HIVEP2: variants seen among roughly 807,000 people sequenced by gnomAD.
The protein encoded by HIVEP2 is HIVEP zinc finger 2, also known as transcription factor HIVEP2.
Under a neutral mutation model 180.7 loss-of-function variants are expected in HIVEP2, and 14 were observed. That is an observed-to-expected ratio of 0.08 (90% CI 0.05 to 0.12). HIVEP2 has a LOEUF of 0.12. Among genes scored for constraint, HIVEP2 ranks in the 10% least tolerant of loss-of-function variants. The pLI is 1.00. For synonymous variants in HIVEP2, 1,184 were observed against 1,136.4 expected (o/e 1.04, Z -0.84); for missense variants, 2,579 against 3,008.5 (o/e 0.86, Z 3.34).
chr6:142,859,687 A>C (rs1423600319), intron 1 of HIVEP2, among the ~76,000 whole-genome samples: 1 of 151,812 alleles, frequency 6.6e-6, no homozygotes, highest in Non-Finnish European at 1.5e-5. Context: ...TAAAAAAATT[A>C]GCCGGGCATG....
intron 2 of HIVEP2, among the ~76,000 whole-genome samples, chr6:142,801,555 T>C (rs1344231794): frequency 6.6e-6 from 1 of 152,004 alleles, no homozygotes; most frequent in African/African-American, 2.4e-5. Context: ...TTACTCCAGA[T>C]CTAGTATTTC....
At chr6:142,842,012 A>G (rs1048262555) in intron 1 of HIVEP2, among the ~76,000 whole-genome samples, 3 of 152,182 alleles carry the variant, frequency 2.0e-5, no homozygotes, top group Non-Finnish European at 1.5e-5. Flanking sequence ...CATTTCCTTG[A>G]CCAAAATGAA....
chr6:142,784,881 CTCTA>C (rs1040703817), intron 2 of HIVEP2, among the ~76,000 whole-genome samples: 2 of 151,980 alleles, frequency 1.3e-5, no homozygotes, highest in Admixed American at 6.6e-5. Context: ...TTAACTATAT[CTCTA>C]TCTATCTATC....
rs1219164687 is a variant in HIVEP2, at chr6:142,783,583, C to CAGGAACTCATGCACAGGAA, written c.-496_-495insTTCCTGTGCATGAGTTCCT. ...CTTTGATTTCCAAGATGCCAACTCTCCTCACAGGAACTCATGCACAACTTC... is the reference window on the plus strand; with the variant it reads ...CTTTGATTTCCAAGATGCCAACTCTCAGGAACTCATGCACAGGAACTCACAGGAACTCATGCACAACTTC... On this transcript the variant is annotated 5_prime_UTR_variant, in exon 3 of 10. The change creates a new upstream start codon in the 5' untranslated region. Coordinates refer to ENST00000367603, the MANE Select transcript of HIVEP2 (RefSeq NM_006734.4). 1 of 152,106 alleles carries CAGGAACTCATGCACAGGAA rather than the reference C, an allele frequency of 6.6e-6. No homozygotes were observed. Among genetic ancestry groups the CAGGAACTCATGCACAGGAA allele is most frequent in the Non-Finnish European group, 1.5e-5 (1 of 68,006 alleles). 9.4% of individuals were successfully genotyped at this position (152,106 alleles called of 1,614,324 possible).
At chr6:142,866,830 C>T (rs1776152265) in intron 1 of HIVEP2, among the ~76,000 whole-genome samples, 1 of 152,176 alleles carries the variant, frequency 6.6e-6, no homozygotes, top group African/African-American at 2.4e-5. Flanking sequence ...GCCAATGTGG[C>T]TACTTACCCC....
chr6:142,810,718 C>T lies in HIVEP2; in HGVS notation c.-528+26217G>A, dbSNP rs565902412. On this transcript the variant is annotated intron_variant, in intron 2 of 9. Coordinates refer to ENST00000367603, the MANE Select transcript of HIVEP2 (RefSeq NM_006734.4). ...TGGAGGTTGCAGTGAGCTAAGATCG[C>T]GCCACTGCACTACCGCCTGGGCAAC... Among the ~76,000 whole-genome samples, 8 of 147,196 alleles carry T rather than the reference C, an allele frequency of 5.4e-5. No individual in the cohort carries two copies. The South Asian group carries it at 1.1e-3, about 20-fold the overall frequency.
At chr6:142,935,752 T>C (rs1778038405) in intron 1 of HIVEP2, among the ~76,000 whole-genome samples, 1 of 152,184 alleles carries the variant, frequency 6.6e-6, no homozygotes, top group Non-Finnish European at 1.5e-5. Flanking sequence ...AAATATCAAC[T>C]GTATGCCCAG....
intron 1 of HIVEP2, among the ~76,000 whole-genome samples, chr6:142,845,110 A>G (rs931943660): frequency 6.6e-6 from 1 of 152,264 alleles, no homozygotes; most frequent in Admixed American, 6.5e-5. Flanking sequence ...TTATGAAAAC[A>G]TTTACATTAA....
chr6:142,820,613 C>T (rs139451731), intron 2 of HIVEP2, among the ~76,000 whole-genome samples: 52 of 152,270 alleles, frequency 3.4e-4, no homozygotes, highest in African/African-American at 1.1e-3. Context: ...CAATCACAGA[C>T]GCTAAAATTC....
chr6:142,773,019 C>A lies in HIVEP2; in HGVS notation c.1720G>T (p.Asp574Tyr), dbSNP rs377007480. 6.2e-7 allele frequency: 1 copy of A among 1,614,086 alleles called. No individual in the cohort carries two copies. The highest frequency in any genetic ancestry group is 8.5e-7 in the Non-Finnish European group (1 of 1,180,006). The change falls in exon 5 of 10, where the codon GAC becomes TAC. Residue 574 changes from aspartate (D) to tyrosine (Y), a missense_variant. Physicochemically the swap from Asp to Tyr is radical, Grantham distance 160 (BLOSUM62 -3). Transcript: ENST00000367603. ...HSFDERMTGSDDVFYPGTVGI... is the reference protein window; with the variant it reads ...HSFDERMTGSYDVFYPGTVGI... ...ACGGTCCCTGGATAGAATACATCGTCGGAACCAGTCATCCTTTCATCAAAT... is the reference window on the plus strand; with the variant it reads ...ACGGTCCCTGGATAGAATACATCGTAGGAACCAGTCATCCTTTCATCAAAT...
chr6:142,818,680 A>G (rs139085225), intron 2 of HIVEP2, among the ~76,000 whole-genome samples: 107 of 87,938 alleles, frequency 1.2e-3, no homozygotes, highest in South Asian at 3.0e-3. Flanking sequence ...AAAAAAAAGA[A>G]AGAGAGAGAG....
chr6:142,944,030 C>G (rs1316810621), intron 1 of HIVEP2, among the ~76,000 whole-genome samples: 1 of 152,234 alleles, frequency 6.6e-6, no homozygotes, highest in African/African-American at 2.4e-5. Context: ...TAGCTAGTTA[C>G]AAGCTTTCCC....
chr6:142,823,643 A>G (rs1777101161), intron 2 of HIVEP2, among the ~76,000 whole-genome samples: 1 of 152,230 alleles, frequency 6.6e-6, no homozygotes, highest in African/African-American at 2.4e-5. Context: ...GTGGTTCTAG[A>G]ATCGTTAATA....
At chr6:142,871,533 T>G (rs1776288956) in intron 1 of HIVEP2, among the ~76,000 whole-genome samples, 1 of 152,116 alleles carries the variant, frequency 6.6e-6, no homozygotes, top group Non-Finnish European at 1.5e-5. Context: ...TTAAAATAAT[T>G]CTATCTGCAT....
intron 1 of HIVEP2, among the ~76,000 whole-genome samples, chr6:142,932,535 A>G (rs1362095563): frequency 3.3e-5 from 5 of 152,224 alleles, no homozygotes. Context: ...AAATTAATAA[A>G]ATAAAAATGA....
chr6:142,866,571 T>A (rs1345166813), intron 1 of HIVEP2, among the ~76,000 whole-genome samples: 3 of 152,126 alleles, frequency 2.0e-5, no homozygotes, highest in Non-Finnish European at 4.4e-5. Context: ...TGCCTACCTT[T>A]AATTTTAAGT....
chr6:142,919,846 T>A (rs1191238699), intron 1 of HIVEP2, among the ~76,000 whole-genome samples: 3 of 152,132 alleles, frequency 2.0e-5, no homozygotes, highest in Non-Finnish European at 4.4e-5. Context: ...AAGTTGTAAA[T>A]AAATGTAAGC....
In HIVEP2 at chr6:142,822,696, A is replaced by G. The variant is rs1200564689; in HGVS notation, c.-528+14239T>C. 3.3e-5 allele frequency among the ~76,000 whole-genome samples: 5 copies of G among 152,216 alleles called. No homozygotes were observed. The East Asian group carries it at 9.6e-4, about 29-fold the overall frequency. On this transcript the variant is annotated intron_variant, in intron 2 of 9. Transcript: ENST00000367603. ...TTTATAATTCCATTATCTCAGATCA[A>G]TGATTGCATTGTGTCCCTGGCTCCC... is the stretch of plus-strand genomic sequence containing the variant.
At chr6:142,815,724 A>G (rs1054667520) in intron 2 of HIVEP2, among the ~76,000 whole-genome samples, 1 of 152,224 alleles carries the variant, frequency 6.6e-6, no homozygotes, top group Non-Finnish European at 1.5e-5. Flanking sequence ...AGCGTTTCAC[A>G]TGCATGGTCT....
Sources: allele counts gnomAD v4.1 joint callset (sites outside exome capture counted in the v4.1 genomes callset), GRCh38; gene constraint gnomAD v4.1.1; transcripts MANE v1.5; gene names NCBI Gene and HGNC (gene_info 2026-07-23, HGNC 2026-07-21).